Variants in RGS6 observed in about 807,000 individuals in gnomAD.
The protein encoded by RGS6 is regulator of G protein signaling 6.
In RGS6, 30 loss-of-function variants were observed where a neutral mutation model predicts 78.5. The ratio of observed to expected loss-of-function variants is 0.38; its 90% CI spans 0.29 to 0.52. The LOEUF (loss-of-function observed/expected upper bound fraction) is 0.52. RGS6 is among the 20% of genes least tolerant of loss of function. The probability of loss-of-function intolerance (pLI) is 0.85; values close to 1 mark genes in which losing one functional copy is unlikely to be tolerated. For missense variants in RGS6, 495 were observed against 609.7 expected (o/e 0.81, Z 1.98); for synonymous variants, 206 against 206.0 (o/e 1.00, Z 0.00).
chr14:71,904,380 C>G, the RGS6 span, among the ~76,000 whole-genome samples: 1 of 152,174 alleles, frequency 6.6e-6, no homozygotes, highest in Non-Finnish European at 1.5e-5. Context: ...GTAGCCCTGG[C>G]TTTTTTCTTC....
intron 13 of RGS6, among the ~76,000 whole-genome samples, chr14:72,505,157 T>C (rs891962598): frequency 4.6e-5 from 7 of 152,130 alleles, no homozygotes; most frequent in Non-Finnish European, 1.0e-4. Flanking sequence ...ACATTTTTAG[T>C]TGTTCATTAC....
At chr14:72,086,238 A>G (rs1476202036) in intron 2 of RGS6, among the ~76,000 whole-genome samples, 1 of 152,202 alleles carries the variant, frequency 6.6e-6, no homozygotes, top group African/African-American at 2.4e-5. Context: ...TCGTTTTTCA[A>G]AAGTGTTCTG....
At chr14:71,890,393 A>AGAG in the RGS6 span, among the ~76,000 whole-genome samples, 1 of 151,088 alleles carries the variant, frequency 6.6e-6, no homozygotes, top group African/African-American at 2.4e-5. Flanking sequence ...AGAGAGAGAG[A>AGAG]AATCTTGTCT....
intron 2 of RGS6, among the ~76,000 whole-genome samples, chr14:72,197,131 T>A (rs1355608393): frequency 6.6e-6 from 1 of 152,224 alleles, no homozygotes; most frequent in Non-Finnish European, 1.5e-5. Flanking sequence ...AGTGGCACAA[T>A]CTTGGCTCAC....
At chr14:72,114,562 A>C (rs2095845654) in intron 2 of RGS6, among the ~76,000 whole-genome samples, 1 of 152,226 alleles carries the variant, frequency 6.6e-6, no homozygotes, top group South Asian at 2.1e-4. Flanking sequence ...AAATCTCCCT[A>C]GAACACAGTA....
intron 3 of RGS6, among the ~76,000 whole-genome samples, chr14:72,443,748 C>T (rs543958996): frequency 5.9e-5 from 9 of 152,340 alleles, no homozygotes; most frequent in Non-Finnish European, 1.0e-4. Flanking sequence ...CAGCTGCCCT[C>T]GAAACATCTG....
At chr14:71,911,070 T>C in the RGS6 span, among the ~76,000 whole-genome samples, 1 of 152,222 alleles carries the variant, frequency 6.6e-6, no homozygotes, top group East Asian at 1.9e-4. Flanking sequence ...TCCTCACAAA[T>C]GTAAATATTT....
intron 13 of RGS6, among the ~76,000 whole-genome samples, chr14:72,499,945 G>A (rs1031303293): frequency 1.1e-4 from 17 of 152,214 alleles, no homozygotes; most frequent in South Asian, 2.1e-4. Flanking sequence ...AGCGGGCACC[G>A]TGTGGGCTGG....
At chr14:72,152,093 A>C (rs920363583) in intron 2 of RGS6, among the ~76,000 whole-genome samples, 1 of 152,204 alleles carries the variant, frequency 6.6e-6, no homozygotes, top group African/African-American at 2.4e-5. Context: ...AACACAGGTA[A>C]AGTGACTGAC....
At chr14:72,050,951 A>G (rs868275130) in intron 2 of RGS6, among the ~76,000 whole-genome samples, 19 of 152,318 alleles carry the variant, frequency 1.2e-4, no homozygotes, top group East Asian at 3.9e-4. Flanking sequence ...GTAGAGGCAT[A>G]TGGGAGTTAG....
At chr14:72,129,609 T>C (rs550897356) in intron 2 of RGS6, among the ~76,000 whole-genome samples, 178 of 152,296 alleles carry the variant, frequency 1.2e-3, no homozygotes, top group African/African-American at 4.3e-3. Flanking sequence ...AGGTTTCCGG[T>C]GGCTCCGCTT....
intron 16 of RGS6, among the ~76,000 whole-genome samples, chr14:72,536,929 T>C (rs906509779): frequency 1.3e-5 from 2 of 152,048 alleles, no homozygotes; most frequent in African/African-American, 4.8e-5. Flanking sequence ...CATGGAGTCA[T>C]GGATTTGAGG....
chr14:72,242,595 T>G (rs1025696133), intron 2 of RGS6, among the ~76,000 whole-genome samples: 1 of 152,120 alleles, frequency 6.6e-6, no homozygotes, highest in South Asian at 2.1e-4. Flanking sequence ...TCTGCCGTTT[T>G]TGACAGGTAA....
chr14:72,621,795 G>A, the RGS6 span, among the ~76,000 whole-genome samples: 1 of 152,196 alleles, frequency 6.6e-6, no homozygotes, highest in African/African-American at 2.4e-5. Flanking sequence ...TTGATTAGAT[G>A]GGGAGAGTGA....
At chr14:72,372,830 C>T (rs1234554632) in intron 3 of RGS6, among the ~76,000 whole-genome samples, 1 of 152,216 alleles carries the variant, frequency 6.6e-6, no homozygotes, top group Non-Finnish European at 1.5e-5. Context: ...ATCCTTGCTT[C>T]TGCTGCCAGA....
intron 2 of RGS6, among the ~76,000 whole-genome samples, chr14:72,323,846 T>C (rs1191942716): frequency 8.6e-6 from 1 of 116,472 alleles, no homozygotes; most frequent in Non-Finnish European, 1.8e-5. Context: ...AAAAAACTAT[T>C]GTAAAACTAC....
At chr14:72,148,155 A>T (rs2153629925) in intron 2 of RGS6, among the ~76,000 whole-genome samples, 1 of 117,538 alleles carries the variant, frequency 8.5e-6, no homozygotes, top group East Asian at 2.4e-4. Flanking sequence ...AAAAAAAAAA[A>T]TTGAGAGATA....
intron 13 of RGS6, among the ~76,000 whole-genome samples, chr14:72,509,466 A>G (rs763194824): frequency 1.8e-4 from 28 of 152,082 alleles, no homozygotes; most frequent in Non-Finnish European, 3.4e-4. Flanking sequence ...TAGGCAAACT[A>G]CCATGAGACC....
At chr14:72,600,721 C>T in the RGS6 span, among the ~76,000 whole-genome samples, 2 of 152,184 alleles carry the variant, frequency 1.3e-5, no homozygotes, top group African/African-American at 4.8e-5. Context: ...CCACACCATA[C>T]CAGCTGCACT....
Sources: allele counts gnomAD v4.1 joint callset (sites outside exome capture counted in the v4.1 genomes callset), GRCh38; gene constraint gnomAD v4.1.1; transcripts MANE v1.5; gene names NCBI Gene and HGNC (gene_info 2026-07-23, HGNC 2026-07-21).